PCNX1: variants seen among roughly 807,000 people sequenced by gnomAD.
The protein encoded by PCNX1 is pecanex 1, also known as pecanex-like protein 1.
In PCNX1, 78 loss-of-function variants were observed where a neutral mutation model predicts 242.2. The observed-to-expected ratio is 0.32, with a 90% CI of 0.27 to 0.39. PCNX1 has a LOEUF of 0.39. Among genes scored for constraint, PCNX1 ranks in the 10% least tolerant of loss-of-function variants. The pLI is 1.00. For missense variants in PCNX1, 2,581 were observed against 2,856.5 expected, an observed-to-expected ratio of 0.90 and a Z score of 2.20; for synonymous variants, 1,024 against 1,032.9, an observed-to-expected ratio of 0.99 and a Z score of 0.17.
chr14:71,079,926 T>G (rs1286634290), intron 28 of PCNX1, among the ~76,000 whole-genome samples: 2 of 152,332 alleles, frequency 1.3e-5, no homozygotes, highest in East Asian at 3.9e-4. Context: ...TTTTGGTGTT[T>G]TAGTCATGAA....
chr14:71,088,776 A>G (rs1034269950), intron 29 of PCNX1, among the ~76,000 whole-genome samples: 2 of 152,190 alleles, frequency 1.3e-5, no homozygotes, highest in African/African-American at 2.4e-5. Context: ...GTCTTTGTCC[A>G]GGGTATTTAT....
chr14:71,008,155 T>A (rs967238661), intron 8 of PCNX1, among the ~76,000 whole-genome samples: 1 of 152,216 alleles, frequency 6.6e-6, no homozygotes, highest in African/African-American at 2.4e-5. Flanking sequence ...AATTGTTGTT[T>A]TTTTCCTGGT....
At chr14:70,993,216 G>C (rs2059221234) in intron 7 of PCNX1, among the ~76,000 whole-genome samples, 1 of 151,344 alleles carries the variant, frequency 6.6e-6, no homozygotes, top group Non-Finnish European at 1.5e-5. Flanking sequence ...CGCCTCCCGG[G>C]TTCACGCCAT....
intron 2 of PCNX1, among the ~76,000 whole-genome samples, chr14:70,948,663 A>G (rs1196993000): frequency 3.5e-5 from 5 of 143,890 alleles, no homozygotes; most frequent in Non-Finnish European, 6.4e-5. Flanking sequence ...GTATATATAC[A>G]CGTGTCTATA....
Position 71,009,680 on chromosome 14 carries a change from A to G in PCNX1, c.2676A>G (p.Ser892=). Residue 892 remains serine, a synonymous_variant, in exon 9 of 36, where the codon TCA becomes TCG. Transcript: ENST00000304743. ...ATGAGACTGGTGGCTGTGATATGTC[A>G]CTTGTGAATTTTGAACCAGCAGCAA... is the stretch of plus-strand genomic sequence containing the variant. ...TLYETGGCDM[S]LVNFEPAARR... 1 of 1,603,836 alleles carries G rather than the reference A, an allele frequency of 6.2e-7. No individual in the cohort carries two copies. Among genetic ancestry groups the G allele is most frequent in the East Asian group, 2.2e-5 (1 of 44,774 alleles).
intron 12 of PCNX1, among the ~76,000 whole-genome samples, 192 bp from the exon 13 acceptor site, chr14:71,023,008 A>C (rs1281988718): frequency 6.6e-6 from 1 of 152,064 alleles, no homozygotes; most frequent in Non-Finnish European, 1.5e-5. Flanking sequence ...GAAAGATTTG[A>C]TATGTTTTTA....
chr14:70,922,849 A>C (rs896850663), intron 1 of PCNX1, among the ~76,000 whole-genome samples: 6 of 150,026 alleles, frequency 4.0e-5, no homozygotes, highest in Non-Finnish European at 5.9e-5. Flanking sequence ...TTGTAGCATT[A>C]GTTTATAAAA....
chr14:70,920,049 A>G (rs556249333), intron 1 of PCNX1, among the ~76,000 whole-genome samples: 1 of 151,696 alleles, frequency 6.6e-6, no homozygotes, highest in Non-Finnish European at 1.5e-5. Flanking sequence ...TCCTTTTCCT[A>G]CCCCTCCTCA....
chr14:70,948,764 C>T (rs1044800387), intron 2 of PCNX1, among the ~76,000 whole-genome samples: 5 of 140,240 alleles, frequency 3.6e-5, no homozygotes, highest in South Asian at 2.2e-4. Flanking sequence ...TGTACATATA[C>T]ACATATATGT....
intron 26 of PCNX1, among the ~76,000 whole-genome samples, chr14:71,059,116 A>G (rs1304468926): frequency 6.6e-6 from 1 of 152,122 alleles, no homozygotes; most frequent in Non-Finnish European, 1.5e-5. Flanking sequence ...ACATTTCTAC[A>G]TATGTGAAAT....
At chr14:71,028,663 T>C in intron 15 of PCNX1, 37 bp from the exon 16 acceptor site, 1 of 1,203,176 alleles carries the variant, frequency 8.3e-7, no homozygotes, top group Non-Finnish European at 1.2e-6. Context: ...CATATATTTT[T>C]ATAAAATGTT....
chr14:70,909,269 A>T (rs935249036), intron 1 of PCNX1, among the ~76,000 whole-genome samples: 3 of 38,014 alleles, frequency 7.9e-5, no homozygotes, highest in Non-Finnish European at 2.4e-4. Context: ...GTTTGAGGTT[A>T]AAAAAAAAAG....
chr14:71,078,954 A>G (rs979210629), intron 28 of PCNX1, among the ~76,000 whole-genome samples: 3 of 152,064 alleles, frequency 2.0e-5, no homozygotes, highest in Non-Finnish European at 4.4e-5. Context: ...GTACCCATCA[A>G]CCTGTCATCT....
intron 1 of PCNX1, among the ~76,000 whole-genome samples, chr14:70,909,194 G>A (rs1028533631): frequency 6.6e-6 from 1 of 152,052 alleles, no homozygotes; most frequent in African/African-American, 2.4e-5. Flanking sequence ...TCTGCTTGAG[G>A]GAAGATGTGC....
At chr14:71,082,048 G>C (rs2061867674) in intron 28 of PCNX1, among the ~76,000 whole-genome samples, 1 of 152,098 alleles carries the variant, frequency 6.6e-6, no homozygotes, top group Non-Finnish European at 1.5e-5. Flanking sequence ...AGAGATTCTG[G>C]TATGTTGTGT....
chr14:71,002,475 G>A (rs990268210), intron 8 of PCNX1, among the ~76,000 whole-genome samples: 2 of 152,312 alleles, frequency 1.3e-5, no homozygotes, highest in South Asian at 2.1e-4. Flanking sequence ...AGATGCGAGT[G>A]TTTCTGTCAC....
At chr14:71,034,268 T>C (rs562194333) in intron 18 of PCNX1, among the ~76,000 whole-genome samples, 1 of 152,298 alleles carries the variant, frequency 6.6e-6, no homozygotes, top group East Asian at 1.9e-4. Flanking sequence ...CATTTATTTT[T>C]AGGTCAGGTG....
chr14:71,028,706 C>G lies in PCNX1; in HGVS notation c.3473C>G (p.Thr1158Arg). The part of the protein sequence containing the change: ...DIHIFGGNAT[T>R]SLLAALYSFI... ...TTTTCCTTTTCCTGTCTAGCCACTA[C>G]AAGCCTGCTTGCAGCACTTTACAGT... The change falls in exon 16 of 36, where the codon ACA becomes AGA. Residue 1158 changes from threonine to arginine, a missense_variant. Transcript: ENST00000304743. 1 of 1,599,800 alleles carries G rather than the reference C, an allele frequency of 6.3e-7. No homozygotes were observed. The highest frequency in any genetic ancestry group is 8.5e-7 in the Non-Finnish European group (1 of 1,172,200).
chr14:70,996,441 A>G (rs1595179069), intron 8 of PCNX1, among the ~76,000 whole-genome samples: 2 of 152,208 alleles, frequency 1.3e-5, no homozygotes, highest in South Asian at 2.1e-4. Context: ...GCTCCGTACT[A>G]ATGTCACATA....
Sources: allele counts gnomAD v4.1 joint callset (sites outside exome capture counted in the v4.1 genomes callset), GRCh38; gene constraint gnomAD v4.1.1; transcripts MANE v1.5; gene names NCBI Gene and HGNC (gene_info 2026-07-23, HGNC 2026-07-21).